Variants in RARB observed in about 807,000 individuals in gnomAD.
RARB encodes HBV-activated protein.
A neutral mutation model predicts 51.9 loss-of-function variants in RARB; 17 were observed. The ratio of observed to expected loss-of-function variants is 0.33; its 90% CI spans 0.22 to 0.49. The LOEUF (loss-of-function observed/expected upper bound fraction) is 0.49. Among genes scored for constraint, RARB ranks in the 20% least tolerant of loss-of-function variants. RARB has a pLI of 0.99. For synonymous variants in RARB, 215 were observed against 195.4 expected (o/e 1.10, Z -0.84); for missense variants, 369 against 550.8 (o/e 0.67, Z 3.30).
At chr3:24,954,608 A>C (rs1182301676) in intron 2 of RARB, among the ~76,000 whole-genome samples, 1 of 152,186 alleles carries the variant, frequency 6.6e-6, no homozygotes, top group African/African-American at 2.4e-5. Context: ...ACTTGTAATC[A>C]AGTGACTATT....
rs969749859 is a variant in RARB, at chr3:24,946,210, G to C, written c.-380+87458G>C. 3.6e-4 allele frequency among the ~76,000 whole-genome samples: 54 copies of C among 148,886 alleles called. 1 individual carries two copies. The highest frequency in any genetic ancestry group is 1.3e-3 in the African/African-American group (53 of 40,208). Reference sequence around the variant, plus strand: ...AACCTGGAGGCAGAGCTTGCAGTGAGCCGAGGTCACACCACTGCACTCCAG... The same window carrying C: ...AACCTGGAGGCAGAGCTTGCAGTGACCCGAGGTCACACCACTGCACTCCAG... On this transcript the variant is annotated intron_variant, in intron 2 of 11. Coordinates refer to the RARB transcript ENST00000383772.
In RARB at chr3:25,202,292, A is replaced by G. The variant is rs151233068; in HGVS notation, c.178+27717A>G. On this transcript the variant is annotated intron_variant, in intron 5 of 11. Coordinates refer to the RARB transcript ENST00000383772. The stretch of plus-strand genomic sequence containing the variant: ...GATTGGTGGTGATATCCCCTTTACC[A>G]TTTTTCATTGCGTCTATTTGATTCT... Among the ~76,000 whole-genome samples the G allele has an allele frequency of 6.3e-3, 962 of 151,852 alleles. 18 individuals are homozygous for G. Among genetic ancestry groups the G allele is most frequent in the East Asian group, 0.03 (153 of 5,152 alleles).
At chr3:24,880,391 A>T (rs1207871629) in intron 2 of RARB, among the ~76,000 whole-genome samples, 3 of 152,140 alleles carry the variant, frequency 2.0e-5, no homozygotes, top group African/African-American at 7.2e-5. Flanking sequence ...ATATCCTTGG[A>T]GAGATAAAAG....
chr3:25,551,739 G>A, intron 3 of RARB, among the ~76,000 whole-genome samples: 1 of 152,124 alleles, frequency 6.6e-6, no homozygotes, highest in Non-Finnish European at 1.5e-5. Flanking sequence ...GAGGGCTAGG[G>A]ACACTCCCAG....
At chr3:25,392,128 C>G (rs1415290166) in intron 5 of RARB, among the ~76,000 whole-genome samples, 2 of 152,146 alleles carry the variant, frequency 1.3e-5, no homozygotes, top group Non-Finnish European at 2.9e-5. Flanking sequence ...ATTTTCTTAG[C>G]ACCATTTGAT....
At chr3:24,866,876 A>G (rs1195680437) in intron 2 of RARB, among the ~76,000 whole-genome samples, 1 of 152,054 alleles carries the variant, frequency 6.6e-6, no homozygotes, top group Non-Finnish European at 1.5e-5. Context: ...TTTTTCAAGG[A>G]TAGTTTGGCG....
At chr3:25,315,095 C>T (rs1475925265) in intron 5 of RARB, among the ~76,000 whole-genome samples, 1 of 152,130 alleles carries the variant, frequency 6.6e-6, no homozygotes, top group Non-Finnish European at 1.5e-5. Context: ...TTTTCTTTAT[C>T]CACTTGGTGG....
chr3:25,527,665 C>A (rs982740552), intron 3 of RARB, among the ~76,000 whole-genome samples: 2 of 152,144 alleles, frequency 1.3e-5, no homozygotes, highest in Admixed American at 1.3e-4. Context: ...AACTAGTATA[C>A]CCTTATGTTT....
chr3:25,257,281 G>A (rs1296697692), intron 5 of RARB, among the ~76,000 whole-genome samples: 1 of 152,042 alleles, frequency 6.6e-6, no homozygotes, highest in Admixed American at 6.6e-5. Context: ...ATCTTAAGGG[G>A]CATGTTGGCC....
At position 25,264,449 on chromosome 3, in the gene RARB, TTC is replaced by T. The variant is rs369145944; in HGVS notation, c.178+89878_178+89879del. Reference sequence around the variant, plus strand: ...CACTTGAATTCAGTGAATTTGGTCTTTCTCTGTTTTCTGTTGTTGGATCTTCA... The same window carrying T: ...CACTTGAATTCAGTGAATTTGGTCTTTCTGTTTTCTGTTGTTGGATCTTCA... On this transcript the variant is annotated intron_variant, in intron 5 of 11. Coordinates refer to the RARB transcript ENST00000383772. Among the ~76,000 whole-genome samples, 63 of 152,282 alleles carry T rather than the reference TTC, an allele frequency of 4.1e-4. No homozygotes were observed. The South Asian group carries it at 0.012, about 30-fold the overall frequency.
chr3:25,043,876 T>C lies in RARB; in HGVS notation c.-379-16249T>C, dbSNP rs77034927. Among the ~76,000 whole-genome samples, 534 of 152,304 alleles carry C rather than the reference T, an allele frequency of 3.5e-3. 2 individuals are homozygous for C. The highest frequency in any genetic ancestry group is 5.6e-3 in the Non-Finnish European group (380 of 68,026). ...GAATATTGGTGAGAATTAATAGCACTTTATTTCGTGGCTCATTGAGGAAAT... is the reference window on the plus strand; with the variant it reads ...GAATATTGGTGAGAATTAATAGCACCTTATTTCGTGGCTCATTGAGGAAAT... On this transcript the variant is annotated intron_variant, in intron 2 of 11. Coordinates refer to the RARB transcript ENST00000383772.
intron 3 of RARB, among the ~76,000 whole-genome samples, chr3:25,065,261 A>G (rs1297312958): frequency 6.6e-6 from 1 of 152,238 alleles, no homozygotes; most frequent in East Asian, 1.9e-4. Context: ...TCCTATATCA[A>G]GTAGGAAGAA....
intron 2 of RARB, among the ~76,000 whole-genome samples, chr3:25,023,116 G>A (rs1697672527): frequency 6.6e-6 from 1 of 152,162 alleles, no homozygotes; most frequent in South Asian, 2.1e-4. Context: ...AGTTCTTTCA[G>A]TAAGGAGTCC....
intron 1 of RARB, among the ~76,000 whole-genome samples, chr3:24,832,051 T>G (rs974078644): frequency 3.9e-5 from 6 of 152,202 alleles, no homozygotes; most frequent in African/African-American, 1.4e-4. Flanking sequence ...AGTTCACACA[T>G]TTTAAAAGTA....
rs1491520085 is a variant in RARB at position 24,832,652 on chromosome 3, A to ATATATATATATATATATAT, written c.-459+3250_-459+3251insATATATATATATATATATT. Among the ~76,000 whole-genome samples the ATATATATATATATATATAT allele has an allele frequency of 3.4e-3, 209 of 61,008 alleles. 5 individuals are homozygous for ATATATATATATATATATAT. Among genetic ancestry groups the ATATATATATATATATATAT allele is most frequent in the African/African-American group, 0.017 (183 of 10,512 alleles). 40.0% of individuals were successfully genotyped at this position (61,008 alleles called of 152,430 possible). ...CAATATATATATATATATATATATAATGTCAATTAAAAATGAAATTCTTAA... is the reference window on the plus strand; with the variant it reads ...CAATATATATATATATATATATATAATATATATATATATATATATTGTCAATTAAAAATGAAATTCTTAA... On this transcript the variant is annotated intron_variant, in intron 1 of 11. Transcript: ENST00000383772.
chr3:24,966,908 G>T (rs1485543914), intron 2 of RARB, among the ~76,000 whole-genome samples: 1 of 152,012 alleles, frequency 6.6e-6, no homozygotes, highest in African/African-American at 2.4e-5. Context: ...CACACATCCT[G>T]CCCTGAATTC....
chr3:25,443,646 A>G (rs1708803170), intron 1 of RARB, among the ~76,000 whole-genome samples: 2 of 151,692 alleles, frequency 1.3e-5, no homozygotes, highest in African/African-American at 4.8e-5. Flanking sequence ...TGATAAAGCT[A>G]AAGGACCGGT....
intron 2 of RARB, among the ~76,000 whole-genome samples, chr3:25,002,760 G>GTGTA (rs1553622363): frequency 1.4e-4 from 20 of 145,012 alleles, no homozygotes; most frequent in Admixed American, 3.4e-4. Flanking sequence ...GTGTGTGTGT[G>GTGTA]TATATATATA....
intron 3 of RARB, among the ~76,000 whole-genome samples, chr3:25,094,716 C>CAAAAAAAAAA (rs57477720): frequency 1.2e-4 from 5 of 43,102 alleles, no homozygotes; most frequent in African/African-American, 1.9e-4. Flanking sequence ...GACCCCATCT[C>CAAAAAAAAAA]AAAAAAAAAA....
Sources: gnomAD v4.1 joint callset for allele counts (sites outside exome capture counted in the v4.1 genomes callset) on GRCh38, gnomAD v4.1.1 for gene constraint, MANE v1.5 for transcripts, NCBI Gene and HGNC (gene_info 2026-07-23, HGNC 2026-07-21) for gene names.